The following RBMS3 variants were observed in gnomAD, a reference collection of about 807,000 sequenced individuals.
The protein encoded by RBMS3 is RNA-binding motif, single-stranded-interacting protein 3.
In RBMS3, 27 loss-of-function variants were observed where a neutral mutation model predicts 66.8. The observed-to-expected ratio is 0.40, with a 90% CI of 0.30 to 0.56. The LOEUF (loss-of-function observed/expected upper bound fraction) is 0.56, where lower values mean the gene tolerates loss of function less well. Ranked by LOEUF, RBMS3 falls within the 20% of genes least tolerant of loss-of-function variation. The pLI is 0.40. For synonymous variants in RBMS3, 188 were observed against 183.0 expected, an observed-to-expected ratio of 1.03 and a Z score of -0.22; for missense variants, 513 against 549.5, an observed-to-expected ratio of 0.93 and a Z score of 0.66.
intron 1 of RBMS3, among the ~76,000 whole-genome samples, chr3:29,332,664 C>T (rs1221087464): frequency 6.6e-6 from 1 of 152,234 alleles, no homozygotes; most frequent in South Asian, 2.1e-4. Flanking sequence ...CACCCTCTTT[C>T]CAAGAGTGTT....
intron 2 of RBMS3, among the ~76,000 whole-genome samples, chr3:29,481,033 TG>T (rs1311138728): frequency 6.6e-6 from 1 of 152,210 alleles, no homozygotes; most frequent in Admixed American, 6.5e-5. Flanking sequence ...ATCCTGCTTT[TG>T]CTACTTCCTA....
At chr3:29,807,320 A>G (rs2057586892) in intron 6 of RBMS3, among the ~76,000 whole-genome samples, 1 of 151,972 alleles carries the variant, frequency 6.6e-6, no homozygotes, top group Non-Finnish European at 1.5e-5. Context: ...TTCAGAATGA[A>G]GCAGAAATTC....
intron 1 of RBMS3, among the ~76,000 whole-genome samples, chr3:29,394,518 T>C (rs766248982): frequency 1.2e-4 from 19 of 152,184 alleles, no homozygotes; most frequent in Non-Finnish European, 2.5e-4. Flanking sequence ...AGAGTATTGA[T>C]TGAGAAAGTG....
At chr3:29,366,145 G>A (rs564730922) in intron 1 of RBMS3, among the ~76,000 whole-genome samples, 2 of 152,220 alleles carry the variant, frequency 1.3e-5, no homozygotes, top group East Asian at 3.9e-4. Context: ...TTGTAAAAAT[G>A]TAACTAAAGT....
At chr3:29,936,048 A>C (rs376308690) in intron 10 of RBMS3, 38 bp from the exon 11 acceptor site, 1 of 1,504,550 alleles carries the variant, frequency 6.6e-7, no homozygotes, top group Non-Finnish European at 9.2e-7. Context: ...CCTTCCTTGT[A>C]GGATATATTT....
intron 3 of RBMS3, among the ~76,000 whole-genome samples, chr3:29,539,475 GC>G (rs779154962): frequency 4.3e-4 from 65 of 152,242 alleles, no homozygotes; most frequent in Middle Eastern, 3.4e-3. Context: ...CCATTTACCA[GC>G]CCTTGAAGCC....
chr3:29,281,848 C>T (rs1351175282), intron 1 of RBMS3, 92 bp downstream of exon 1: 2 of 1,025,064 alleles, frequency 2.0e-6, no homozygotes, highest in Admixed American at 2.3e-5. Flanking sequence ...TAGTTAACCC[C>T]CACCCCCATC....
At chr3:29,679,639 G>A (rs896659236) in intron 4 of RBMS3, among the ~76,000 whole-genome samples, 14 of 151,984 alleles carry the variant, frequency 9.2e-5, no homozygotes, top group Non-Finnish European at 1.3e-4. Context: ...CTCATTAGCC[G>A]TATTATATCA....
At chr3:29,803,162 A>T (rs954949197) in intron 6 of RBMS3, among the ~76,000 whole-genome samples, 2 of 152,188 alleles carry the variant, frequency 1.3e-5, no homozygotes, top group African/African-American at 4.8e-5. Flanking sequence ...GATCTTGGCA[A>T]ATCCCTTTCC....
chr3:29,564,099 T>G (rs570668139), intron 3 of RBMS3, among the ~76,000 whole-genome samples: 1 of 152,112 alleles, frequency 6.6e-6, no homozygotes, highest in South Asian at 2.1e-4. Context: ...ACATTTGTGA[T>G]TGAGTCTTTT....
intron 3 of RBMS3, among the ~76,000 whole-genome samples, chr3:29,582,004 AG>A (rs1478942567): frequency 4.6e-5 from 7 of 152,328 alleles, no homozygotes; most frequent in African/African-American, 1.4e-4. Flanking sequence ...AAGATGGTAA[AG>A]AAACATTTAA....
At chr3:29,932,527 C>T (rs564208012) in intron 10 of RBMS3, among the ~76,000 whole-genome samples, 189 of 152,216 alleles carry the variant, frequency 1.2e-3, no homozygotes, top group Non-Finnish European at 1.5e-3. Context: ...GATCCACAAA[C>T]CATAGTTGGG....
chr3:29,683,502 A>G (rs2051584632), intron 4 of RBMS3, among the ~76,000 whole-genome samples: 1 of 152,200 alleles, frequency 6.6e-6, no homozygotes, highest in African/African-American at 2.4e-5. Flanking sequence ...CAACTTTAGG[A>G]AAGTGTGAAG....
At position 29,820,243 on chromosome 3, in the gene RBMS3, T is replaced by A. The variant is rs1051357966; in HGVS notation, c.638-48615T>A. Among the ~76,000 whole-genome samples the A allele has an allele frequency of 5.3e-4, 57 of 107,078 alleles. No homozygotes were observed. In the South Asian group the frequency reaches 0.017, roughly 32 times the overall value. 70.2% of individuals were successfully genotyped at this position (107,078 alleles called of 152,430 possible). On this transcript the variant is annotated intron_variant, in intron 6 of 14. Coordinates refer to ENST00000383767, the MANE Select transcript of RBMS3 (RefSeq NM_001003793.3). ...AAAAAAAAAAAAAAAAAAAAAAAAATTAGGTGGCAGAAATGGTAAATTTAA... is the reference window on the plus strand; with the variant it reads ...AAAAAAAAAAAAAAAAAAAAAAAAAATAGGTGGCAGAAATGGTAAATTTAA...
chr3:29,912,445 T>A (rs560734214), intron 10 of RBMS3, among the ~76,000 whole-genome samples: 1 of 152,220 alleles, frequency 6.6e-6, no homozygotes, highest in South Asian at 2.1e-4. Flanking sequence ...TCATTAAATA[T>A]TGTCATTGTC....
chr3:29,925,552 C>T (rs1192155365), intron 10 of RBMS3, among the ~76,000 whole-genome samples: 2 of 152,104 alleles, frequency 1.3e-5, no homozygotes, highest in Admixed American at 1.3e-4. Context: ...ATTAATATTA[C>T]TAATATTATT....
At chr3:29,993,128 G>A (rs1698990969) in intron 14 of RBMS3, among the ~76,000 whole-genome samples, 1 of 149,414 alleles carries the variant, frequency 6.7e-6, no homozygotes, top group Non-Finnish European at 1.5e-5. Context: ...ACTTACAAAT[G>A]TAAGGTATTA....
intron 4 of RBMS3, among the ~76,000 whole-genome samples, chr3:29,673,464 T>G (rs1016160702): frequency 7.7e-6 from 1 of 129,278 alleles, no homozygotes; most frequent in Non-Finnish European, 1.5e-5. Flanking sequence ...CAGGAGCTGG[T>G]TTTTTTTTTT....
intron 12 of RBMS3, among the ~76,000 whole-genome samples, chr3:29,972,308 T>C (rs907946975): frequency 1.3e-5 from 2 of 152,152 alleles, no homozygotes; most frequent in East Asian, 3.8e-4. Flanking sequence ...GATAGAGTAG[T>C]ACCATTTAAT....
Sources: gnomAD v4.1 joint callset for allele counts (sites outside exome capture counted in the v4.1 genomes callset) on GRCh38, gnomAD v4.1.1 for gene constraint, MANE v1.5 for transcripts, NCBI Gene and HGNC (gene_info 2026-07-23, HGNC 2026-07-21) for gene names.